The following CAST variants were observed in gnomAD, a reference collection of about 807,000 sequenced individuals.
The protein encoded by CAST is calpastatin.
CAST carries 76 observed loss-of-function variants against 119.6 expected under a neutral mutation model. The observed-to-expected ratio is 0.64, with a 90% CI of 0.53 to 0.77. CAST has a LOEUF of 0.77. Among genes scored for constraint, CAST ranks in the 30% least tolerant of loss-of-function variants. CAST has a pLI of 0.00. For missense variants in CAST, 953 were observed against 946.5 expected, an observed-to-expected ratio of 1.01 and a Z score of -0.09; for synonymous variants, 319 against 331.6, an observed-to-expected ratio of 0.96 and a Z score of 0.41.
At chr5:96,293,429 C>G in the CAST span, among the ~76,000 whole-genome samples, 132 of 152,186 alleles carry the variant, frequency 8.7e-4, no homozygotes, top group Non-Finnish European at 1.6e-3. Flanking sequence ...AGGCACCCAC[C>G]ACCACGCCCC....
chr5:96,211,834 T>C, the CAST span, among the ~76,000 whole-genome samples: 2 of 152,072 alleles, frequency 1.3e-5, no homozygotes, highest in Non-Finnish European at 2.9e-5. Flanking sequence ...ACTACACAAA[T>C]TATTTCGTTC....
chr5:96,667,624 A>G (rs2150228874), intron 1 of CAST, among the ~76,000 whole-genome samples: 1 of 152,362 alleles, frequency 6.6e-6, no homozygotes, highest in South Asian at 2.1e-4. Context: ...AGAAAAAACG[A>G]ACACTTGGGG....
At chr5:95,997,106 A>G in the CAST span, among the ~76,000 whole-genome samples, 1 of 152,182 alleles carries the variant, frequency 6.6e-6, no homozygotes, top group Non-Finnish European at 1.5e-5. Context: ...CAGATTCTCT[A>G]AGGGTCAAAC....
the CAST span, among the ~76,000 whole-genome samples, chr5:96,452,976 A>AAAAG: frequency 2.1e-5 from 3 of 142,352 alleles, no homozygotes; most frequent in East Asian, 2.0e-4. Context: ...AAAAAAAAAA[A>AAAAG]CAGAAGAAAG....
At chr5:96,013,406 A>G in the CAST span, among the ~76,000 whole-genome samples, 1 of 152,094 alleles carries the variant, frequency 6.6e-6, no homozygotes, top group Admixed American at 6.6e-5. Context: ...TTCACATATC[A>G]GTATATGAAA....
rs1328093454 is a variant in CAST at position 96,767,358 on chromosome 5, C to T, written c.2131-80C>T. The T allele has an allele frequency of 8.8e-6, 10 of 1,133,320 alleles. No individual in the cohort carries two copies. In the Admixed American group the frequency reaches 1.9e-4, roughly 21 times the overall value. 70.2% of individuals were successfully genotyped at this position (1,133,320 alleles called of 1,614,324 possible). ...ATTTTATCCAAGTCAAGTCATGGGACAATAGATTCTCTACTGCCTAAACCT... is the reference window on the plus strand; with the variant it reads ...ATTTTATCCAAGTCAAGTCATGGGATAATAGATTCTCTACTGCCTAAACCT... On this transcript the variant is annotated intron_variant, in intron 27 of 31. Transcript: ENST00000675179.
chr5:96,380,227 C>A, the CAST span, among the ~76,000 whole-genome samples: 3 of 152,092 alleles, frequency 2.0e-5, no homozygotes, highest in African/African-American at 4.8e-5. Flanking sequence ...CTTAGTTACA[C>A]CAAACTGTAC....
At chr5:96,530,498 A>G (rs1310143803) in intron 1 of CAST, among the ~76,000 whole-genome samples, 2 of 152,214 alleles carry the variant, frequency 1.3e-5, no homozygotes, top group Non-Finnish European at 2.9e-5. Context: ...GAGTCCACAA[A>G]TAAGGTCAGG....
the CAST span, among the ~76,000 whole-genome samples, chr5:96,363,856 C>A: frequency 6.6e-6 from 1 of 152,188 alleles, no homozygotes; most frequent in African/African-American, 2.4e-5. Context: ...CTGGCCAGAA[C>A]TTCCAACATT....
At chr5:96,527,047 A>T (rs1054872894), upstream of CAST, among the ~76,000 whole-genome samples, 1 of 152,236 alleles carries the variant, frequency 6.6e-6, no homozygotes, top group African/African-American at 2.4e-5. Context: ...GGAGAGAAGC[A>T]GTCAATTATA....
the CAST span, among the ~76,000 whole-genome samples, chr5:96,462,534 C>T: frequency 1.3e-5 from 2 of 152,050 alleles, no homozygotes; most frequent in African/African-American, 4.8e-5. Context: ...AAATTGACGG[C>T]ATACAGTAAA....
chr5:96,465,931 A>G, the CAST span, among the ~76,000 whole-genome samples: 2 of 152,072 alleles, frequency 1.3e-5, no homozygotes, highest in Non-Finnish European at 2.9e-5. Context: ...GTGTGTGTAT[A>G]TCCGTGACTT....
intron 3 of CAST, among the ~76,000 whole-genome samples, chr5:96,721,368 G>A (rs1304660138): frequency 6.6e-6 from 1 of 152,184 alleles, no homozygotes; most frequent in Non-Finnish European, 1.5e-5. Context: ...CATTAACTGA[G>A]GTTTGTGGGG....
the CAST span, among the ~76,000 whole-genome samples, chr5:96,167,363 A>C: frequency 1.3e-5 from 2 of 152,152 alleles, no homozygotes; most frequent in Non-Finnish European, 2.9e-5. Flanking sequence ...ACTAGACAGA[A>C]GATAGTAGGG....
chr5:96,683,783 T>G (rs928608616), intron 2 of CAST, among the ~76,000 whole-genome samples: 1 of 152,236 alleles, frequency 6.6e-6, no homozygotes, highest in African/African-American at 2.4e-5. Flanking sequence ...GAGCACTGCA[T>G]GAATTTAAGT....
intron 1 of CAST, among the ~76,000 whole-genome samples, chr5:96,592,865 T>C (rs1187800950): frequency 4.0e-5 from 6 of 151,872 alleles, no homozygotes; most frequent in Admixed American, 2.0e-4. Context: ...CCTGGGTTCA[T>C]GCCATTCTCC....
At chr5:96,250,204 A>G in the CAST span, among the ~76,000 whole-genome samples, 1 of 152,180 alleles carries the variant, frequency 6.6e-6, no homozygotes. Context: ...AATTTTATTT[A>G]GTTGCAAGTA....
At chr5:96,452,976 A>AAAAAAAAAAAAAAAAAAAAAAAAAAAAG in the CAST span, among the ~76,000 whole-genome samples, 1 of 142,352 alleles carries the variant, frequency 7.0e-6, no homozygotes, top group Admixed American at 6.8e-5. Flanking sequence ...AAAAAAAAAA[A>AAAAAAAAAAAAAAAAAAAAAAAAAAAAG]CAGAAGAAAG....
the CAST span, among the ~76,000 whole-genome samples, chr5:96,218,690 C>G: frequency 9.2e-5 from 14 of 152,328 alleles, no homozygotes; most frequent in Non-Finnish European, 2.1e-4. Flanking sequence ...TGTTGGTAAA[C>G]TTATCTAACT....
Sources: allele counts gnomAD v4.1 joint callset (sites outside exome capture counted in the v4.1 genomes callset), GRCh38; gene constraint gnomAD v4.1.1; transcripts MANE v1.5; gene names NCBI Gene and HGNC (gene_info 2026-07-23, HGNC 2026-07-21).